Variants in PCDHGA2 observed in about 807,000 individuals in gnomAD.
PCDHGA2 encodes protocadherin gamma-A2.
In PCDHGA2, 40 loss-of-function variants were observed where a neutral mutation model predicts 59.2. The ratio of observed to expected loss-of-function variants is 0.68; its 90% CI spans 0.52 to 0.88. PCDHGA2 has a LOEUF of 0.88. Among genes scored for constraint, PCDHGA2 ranks in the 40% least tolerant of loss-of-function variants. The pLI, the probability that PCDHGA2 is intolerant of heterozygous loss-of-function variation, is 0.00. For missense variants in PCDHGA2, 1,226 were observed against 1,204.0 expected (o/e 1.02, Z -0.27); for synonymous variants, 560 against 526.0 (o/e 1.06, Z -0.89).
intron 1 of PCDHGA2, chr5:141,378,729 T>A (rs769149282): frequency 6.6e-6 from 1 of 152,216 alleles, no homozygotes; most frequent in East Asian, 1.9e-4. Flanking sequence ...GAACTCTTTA[T>A]TGAAATATTT....
At chr5:141,405,567 G>A in intron 1 of PCDHGA2, 2 of 608,222 alleles carry the variant, frequency 3.3e-6, no homozygotes, top group Non-Finnish European at 5.8e-6. Context: ...TGGGACTAGA[G>A]TAGAGTAGCT....
At position 141,413,564 on chromosome 5, in the gene PCDHGA2, T is replaced by C. The variant is rs762044373; in HGVS notation, c.2424+72169T>C. 9 of 1,613,760 alleles carry C rather than the reference T, an allele frequency of 5.6e-6. No homozygotes were observed. The Admixed American group carries it at 1.2e-4, about 21-fold the overall frequency. ...GGGATAGAAATAGAAGTAACTGATA[T>C]CAATGACAATGCTCCAAAATTCCAA... On this transcript the variant is annotated intron_variant, in intron 1 of 3. Coordinates refer to ENST00000394576, the MANE Select transcript of PCDHGA2 (RefSeq NM_018915.4).
At chr5:141,414,533 C>A in intron 1 of PCDHGA2, 1 of 1,613,960 alleles carries the variant, frequency 6.2e-7, no homozygotes, top group Non-Finnish European at 8.5e-7. Context: ...AATGACAACC[C>A]ACCTACCTTC....
intron 1 of PCDHGA2, chr5:141,418,387 G>T: frequency 1.9e-6 from 3 of 1,614,002 alleles, no homozygotes; most frequent in Non-Finnish European, 2.5e-6. Flanking sequence ...GTCCTAACGA[G>T]TATTTCTCAT....
In PCDHGA2 at chr5:141,438,327, A is replaced by G. The variant is rs369043587; in HGVS notation, c.2425-56480A>G. 1.5e-4 allele frequency among the ~76,000 whole-genome samples: 23 copies of G among 152,106 alleles called. No homozygotes were observed. The East Asian group carries it at 4.1e-3, about 27-fold the overall frequency. ...TTGGTACCACCATAATTTTTCTTAT[A>G]CATGTCATATAAGGATCTACTCTGT... On this transcript the variant is annotated intron_variant, in intron 1 of 3. Transcript: ENST00000394576.
chr5:141,339,375 T>C lies in PCDHGA2; in HGVS notation c.404T>C (p.Val135Ala), dbSNP rs1451142947. The C allele has an allele frequency of 6.2e-7, 1 of 1,614,150 alleles. No individual in the cohort carries two copies. The highest frequency in any genetic ancestry group is 8.5e-7 in the Non-Finnish European group (1 of 1,179,996). The change falls in exon 1 of 4, where the codon GTA (valine) becomes GCA (alanine). Residue 135 changes from valine to alanine, a missense_variant. Coordinates refer to ENST00000394576, the MANE Select transcript of PCDHGA2 (RefSeq NM_018915.4). The stretch of plus-strand genomic sequence containing the variant: ...AACGATAATGCCCCTCGCTTTGGAG[T>C]AGAGGAACTGGAGCTAAAAATCAGT... ...DINDNAPRFG[V>A]EELELKISET...
At chr5:141,441,398 G>A (rs1257981333) in intron 1 of PCDHGA2, 1 of 154,848 alleles carries the variant, frequency 6.5e-6, no homozygotes, top group Non-Finnish European at 1.4e-5. Context: ...TATAACATCA[G>A]CATCACTGCC....
intron 1 of PCDHGA2, chr5:141,362,279 TGC>T (rs776950363): frequency 7.4e-6 from 12 of 1,614,070 alleles, no homozygotes; most frequent in Non-Finnish European, 9.3e-6. Flanking sequence ...TCCCTGCGCC[TGC>T]GACTCTCTTC....
rs150692324 is a variant in PCDHGA2 at position 141,431,149 on chromosome 5, G to T, written c.2425-63658G>T. 1.2e-6 allele frequency: 2 copies of T among 1,614,210 alleles called. No homozygotes were observed. Among genetic ancestry groups the T allele is most frequent in the Non-Finnish European group, 1.7e-6 (2 of 1,180,020 alleles). ...AAGTAAGGGACATTAACGACAATGC[G>T]CCTTACTTTCGTGAAAGTGAATTAG... On this transcript the variant is annotated intron_variant, in intron 1 of 3. Coordinates refer to ENST00000394576, the MANE Select transcript of PCDHGA2 (RefSeq NM_018915.4). This position sits in a 1 kb window ranked among gnomAD's most constrained non-coding sequence, Gnocchi z 4.8.
chr5:141,371,143 A>G (rs199674539), intron 1 of PCDHGA2: 355 of 1,613,904 alleles, frequency 2.2e-4, no homozygotes, highest in Middle Eastern at 4.9e-4. Flanking sequence ...TACAGGGTCA[A>G]TGTTGCAGAG....
At chr5:141,469,374 A>G (rs1270202528) in intron 1 of PCDHGA2, among the ~76,000 whole-genome samples, 1 of 152,076 alleles carries the variant, frequency 6.6e-6, no homozygotes, top group Non-Finnish European at 1.5e-5. Flanking sequence ...AAAGAGATCG[A>G]GACCATCCTG....
chr5:141,372,008 C>A (rs774155523), intron 1 of PCDHGA2: 3 of 1,613,290 alleles, frequency 1.9e-6, no homozygotes, highest in East Asian at 4.5e-5. Flanking sequence ...GCGACCAGGG[C>A]TCGCCTACGC....
At chr5:141,403,171 G>C (rs542727163) in intron 1 of PCDHGA2, 1 of 1,614,042 alleles carries the variant, frequency 6.2e-7, no homozygotes, top group Admixed American at 1.7e-5. Flanking sequence ...GTAGGACGCA[G>C]CTTTTCTCTC....
chr5:141,431,858 G>T lies in PCDHGA2; in HGVS notation c.2425-62949G>T, dbSNP rs1421209596. On this transcript the variant is annotated intron_variant, in intron 1 of 3. Coordinates refer to ENST00000394576, the MANE Select transcript of PCDHGA2 (RefSeq NM_018915.4). This position sits in a 1 kb window ranked among gnomAD's most constrained non-coding sequence, Gnocchi z 4.8. ...AAACTCTCCCAGAGGGACATTAATTGCCCTTTTAAATGTAAATGACCAAGA... is the reference window on the plus strand; with the variant it reads ...AAACTCTCCCAGAGGGACATTAATTTCCCTTTTAAATGTAAATGACCAAGA... 6.8e-6 allele frequency: 11 copies of T among 1,614,080 alleles called. No homozygotes were observed. The highest frequency in any genetic ancestry group is 8.5e-6 in the Non-Finnish European group (10 of 1,180,028).
chr5:141,421,611 T>C lies in PCDHGA2; in HGVS notation c.2425-73196T>C, dbSNP rs747573417. 6.8e-6 allele frequency: 11 copies of C among 1,613,694 alleles called. No homozygotes were observed. The African/African-American group carries it at 1.3e-4, about 20-fold the overall frequency. On this transcript the variant is annotated intron_variant, in intron 1 of 3. Transcript: ENST00000394576. ...TGGAGGTGGAAATAATAGATATTAA[T>C]GATAACGCCCCCAGCTTCCAGGAGG...
intron 1 of PCDHGA2, among the ~76,000 whole-genome samples, chr5:141,430,346 C>G (rs1191705310): frequency 6.8e-6 from 1 of 148,074 alleles, no homozygotes; most frequent in Non-Finnish European, 1.5e-5. Context: ...ACTTCCAATT[C>G]ATTTAAAAGC....
chr5:141,355,505 G>A, intron 1 of PCDHGA2: 1 of 1,614,044 alleles, frequency 6.2e-7, no homozygotes, highest in Non-Finnish European at 8.5e-7. Flanking sequence ...TCTCCAAACT[G>A]TGTGACAAAC....
intron 1 of PCDHGA2, chr5:141,415,325 C>T (rs1046074461): frequency 2.2e-5 from 35 of 1,614,212 alleles, no homozygotes; most frequent in East Asian, 6.7e-5. Context: ...GTGCTGCTGG[C>T]GCACAGGCTG....
intron 1 of PCDHGA2, chr5:141,351,499 C>A: frequency 6.2e-7 from 1 of 1,614,022 alleles, no homozygotes; most frequent in Non-Finnish European, 8.5e-7. Context: ...AGACAGCAGA[C>A]TACAACGTCA....
Sources: allele counts gnomAD v4.1 joint callset (sites outside exome capture counted in the v4.1 genomes callset), GRCh38; gene constraint gnomAD v4.1.1; non-coding constraint Gnocchi (gnomAD v3.1); transcripts MANE v1.5; gene names NCBI Gene and HGNC (gene_info 2026-07-23, HGNC 2026-07-21).